The following OGDH variants were observed in gnomAD, a reference collection of about 807,000 sequenced individuals.
OGDH encodes the protein oxoglutarate dehydrogenase.
OGDH carries 38 observed loss-of-function variants against 116.6 expected under a neutral mutation model. The ratio of observed to expected loss-of-function variants is 0.33; its 90% CI spans 0.25 to 0.43. OGDH has a LOEUF of 0.43. Among genes scored for constraint, OGDH ranks in the 20% least tolerant of loss-of-function variants. The probability of loss-of-function intolerance (pLI) is 1.00; values close to 1 mark genes in which losing one functional copy is unlikely to be tolerated. For missense variants in OGDH, 825 were observed against 1,357.2 expected, an observed-to-expected ratio of 0.61 and a Z score of 6.16; for synonymous variants, 488 against 533.3, an observed-to-expected ratio of 0.92 and a Z score of 1.17.
chr7:44,623,353 C>A (rs980330685), intron 1 of OGDH, among the ~76,000 whole-genome samples: 1 of 152,144 alleles, frequency 6.6e-6, no homozygotes, highest in African/African-American at 2.4e-5. Flanking sequence ...ACTCATATTT[C>A]CTCTGCAATC....
intron 2 of OGDH, 82 bp from the exon 3 acceptor site, chr7:44,645,245 C>T (rs1786118018): frequency 7.7e-6 from 10 of 1,301,562 alleles, no homozygotes; most frequent in Non-Finnish European, 1.1e-5. Flanking sequence ...GCCTTGCCTG[C>T]AGAGAGCAGT....
At chr7:44,607,121 T>A (rs1275539035) in intron 1 of OGDH, among the ~76,000 whole-genome samples, 1 of 152,194 alleles carries the variant, frequency 6.6e-6, no homozygotes, top group African/African-American at 2.4e-5. Flanking sequence ...CGTCGCTTTG[T>A]CCGAAAGACA....
intron 4 of OGDH, among the ~76,000 whole-genome samples, chr7:44,664,415 G>C (rs1338475581): frequency 1.3e-5 from 2 of 152,186 alleles, no homozygotes; most frequent in African/African-American, 4.8e-5. Flanking sequence ...GTTTTCTCTG[G>C]TATTTGCCTG....
chr7:44,688,176 G>T (rs963337358), intron 10 of OGDH, among the ~76,000 whole-genome samples: 1 of 151,948 alleles, frequency 6.6e-6, no homozygotes, highest in African/African-American at 2.4e-5. Context: ...TTCAAGACCA[G>T]CCTGGCCAAC....
intron 10 of OGDH, among the ~76,000 whole-genome samples, chr7:44,687,081 A>AT (rs1468227083): frequency 7.6e-6 from 1 of 131,268 alleles, no homozygotes; most frequent in African/African-American, 3.0e-5. Flanking sequence ...TTTTAAAAAA[A>AT]TTTTTTTTAA....
rs577104559 is a variant in OGDH, at chr7:44,624,233, G to A, written c.-27-84G>A. ...AAAAAAAAATTATCCTTTCTCTAGA[G>A]CATCAGGATCTAGTAGCCTTGTCTC... On this transcript the variant is annotated intron_variant, in intron 1 of 22. Coordinates refer to ENST00000222673, the MANE Select transcript of OGDH (RefSeq NM_002541.4). 4 of 884,230 alleles carry A rather than the reference G, an allele frequency of 4.5e-6. 1 individual carries two copies. The South Asian group carries it at 6.4e-5, about 14-fold the overall frequency. 54.8% of individuals were successfully genotyped at this position (884,230 alleles called of 1,614,324 possible).
At chr7:44,680,063 T>A (rs1311518908) in intron 9 of OGDH, among the ~76,000 whole-genome samples, 1 of 152,050 alleles carries the variant, frequency 6.6e-6, no homozygotes, top group East Asian at 1.9e-4. Context: ...AATGCCAAAA[T>A]TAGCCAGGCA....
chr7:44,627,965 C>T (rs1785273834), intron 2 of OGDH, among the ~76,000 whole-genome samples: 1 of 152,238 alleles, frequency 6.6e-6, no homozygotes, highest in South Asian at 2.1e-4. Context: ...GCGTGAGCCA[C>T]TGCACCCAGC....
chr7:44,613,928 T>C (rs1784667500), intron 1 of OGDH, among the ~76,000 whole-genome samples: 3 of 150,300 alleles, frequency 2.0e-5, no homozygotes, highest in Non-Finnish European at 3.0e-5. Flanking sequence ...TGCCTCAGCC[T>C]CCCGAGTAGC....
At chr7:44,661,955 A>G (rs1182200601) in intron 4 of OGDH, among the ~76,000 whole-genome samples, 2 of 152,176 alleles carry the variant, frequency 1.3e-5, no homozygotes, top group Admixed American at 1.3e-4. Flanking sequence ...AGGTATTACT[A>G]CTTTATATAG....
At chr7:44,616,847 G>GTA (rs1196980476) in intron 1 of OGDH, among the ~76,000 whole-genome samples, 35 of 122,186 alleles carry the variant, frequency 2.9e-4, no homozygotes, top group African/African-American at 9.9e-4. Flanking sequence ...ACATATACGT[G>GTA]TATATATATA....
At chr7:44,685,299 C>T (rs570037220) in intron 10 of OGDH, among the ~76,000 whole-genome samples, 1 of 152,272 alleles carries the variant, frequency 6.6e-6, no homozygotes, top group South Asian at 2.1e-4. Context: ...CCCCTGGCAA[C>T]TATCCACTCT....
At chr7:44,643,949 G>A (rs1456747301) in intron 2 of OGDH, among the ~76,000 whole-genome samples, 1 of 152,170 alleles carries the variant, frequency 6.6e-6, no homozygotes, top group East Asian at 1.9e-4. Flanking sequence ...GCTTACGCCT[G>A]TAATCCCAAC....
At chr7:44,607,032 G>C (rs559538652) in intron 1 of OGDH, among the ~76,000 whole-genome samples, 1 of 152,322 alleles carries the variant, frequency 6.6e-6, no homozygotes, top group Admixed American at 6.5e-5. Context: ...AGGTCGCCGC[G>C]GGCGTCACGT....
chr7:44,707,443 T>A lies in OGDH; in HGVS notation c.2796+55T>A. The A allele has an allele frequency of 6.2e-7, 1 of 1,607,154 alleles. No individual in the cohort carries two copies. Among genetic ancestry groups the A allele is most frequent in the East Asian group, 2.2e-5 (1 of 44,850 alleles). On this transcript the variant is annotated intron_variant, in intron 21 of 22. Transcript: ENST00000222673. This position sits in a 1 kb window ranked among gnomAD's most constrained non-coding sequence, Gnocchi z 5.2. ...CCCCCAGCGGGGGTCAGGGCTCTGG[T>A]GCCTTCACAGAACAGCCTTGCTTGG...
rs1305120559 is a variant in OGDH, at chr7:44,694,744, G to A, written c.1668+168G>A. Among the ~76,000 whole-genome samples, 4 of 152,200 alleles carry A rather than the reference G, an allele frequency of 2.6e-5. No individual in the cohort carries two copies. The highest frequency in any genetic ancestry group is 2.0e-4 in the Admixed American group (3 of 15,282). Reference sequence around the variant, plus strand: ...CAATGCATAACTTTTTGGAGAATCTGGGCCACTGAGATGCTTTATAAAGGA... The same window carrying A: ...CAATGCATAACTTTTTGGAGAATCTAGGCCACTGAGATGCTTTATAAAGGA... On this transcript the variant is annotated intron_variant, in intron 12 of 22. Transcript: ENST00000222673. This position sits in a 1 kb window ranked among gnomAD's most constrained non-coding sequence, Gnocchi z 4.2.
At chr7:44,627,563 G>A (rs2117312912) in intron 2 of OGDH, among the ~76,000 whole-genome samples, 1 of 152,308 alleles carries the variant, frequency 6.6e-6, no homozygotes, top group South Asian at 2.1e-4. Context: ...CTTATTTTCA[G>A]AGAGCTTATG....
intron 2 of OGDH, among the ~76,000 whole-genome samples, chr7:44,633,904 T>G (rs1296840612): frequency 6.6e-6 from 1 of 152,134 alleles, no homozygotes; most frequent in East Asian, 1.9e-4. Flanking sequence ...TTTCCTGAGG[T>G]GTGTCAGAAA....
chr7:44,650,844 A>G (rs973701328), intron 4 of OGDH, among the ~76,000 whole-genome samples: 13 of 151,964 alleles, frequency 8.6e-5, no homozygotes, highest in African/African-American at 2.9e-4. Context: ...CGGGTCAGGG[A>G]CTGTTGTGTA....
Sources: allele counts gnomAD v4.1 joint callset (sites outside exome capture counted in the v4.1 genomes callset), GRCh38; gene constraint gnomAD v4.1.1; non-coding constraint Gnocchi (gnomAD v3.1); transcripts MANE v1.5; gene names NCBI Gene and HGNC (gene_info 2026-07-23, HGNC 2026-07-21).